The following FER1L6 variants were observed in gnomAD, a reference collection of about 807,000 sequenced individuals.
FER1L6 encodes fer-1-like protein 6.
In FER1L6, 177 loss-of-function variants were observed where a neutral mutation model predicts 219.2. The observed-to-expected ratio is 0.81, with a 90% CI of 0.71 to 0.91. The LOEUF (loss-of-function observed/expected upper bound fraction) is 0.91, where lower values mean the gene tolerates loss of function less well. FER1L6 is among the 40% of genes least tolerant of loss of function. FER1L6 has a pLI of 0.00. For missense variants in FER1L6, 2,153 were observed against 2,259.9 expected, an observed-to-expected ratio of 0.95 and a Z score of 0.96; for synonymous variants, 768 against 824.3, an observed-to-expected ratio of 0.93 and a Z score of 1.17.
intron 1 of FER1L6, among the ~76,000 whole-genome samples, chr8:123,924,233 CAA>C (rs71289625): frequency 0.022 from 1,446 of 66,856 alleles, 8 homozygotes; most frequent in African/African-American, 0.043. Flanking sequence ...GACTCAGTAT[CAA>C]AAAAAAAAAA....
At chr8:123,865,700 C>A (rs1400951350) in intron 1 of FER1L6, among the ~76,000 whole-genome samples, 1 of 150,850 alleles carries the variant, frequency 6.6e-6, no homozygotes, top group East Asian at 1.9e-4. Flanking sequence ...GTTTTTTAAG[C>A]CGGTCTGAAA....
At chr8:124,114,894 C>CGT (rs1446858389) in intron 39 of FER1L6, among the ~76,000 whole-genome samples, 1,256 of 30,930 alleles carry the variant, frequency 0.041, 40 homozygotes, top group African/African-American at 0.096. Context: ...TGTGTGTGTG[C>CGT]GTATATATAT....
intron 2 of FER1L6, among the ~76,000 whole-genome samples, chr8:123,959,888 A>G (rs1563708717): frequency 6.6e-6 from 1 of 152,216 alleles, no homozygotes; most frequent in African/African-American, 2.4e-5. Flanking sequence ...ATCAAGTTAC[A>G]TTTATAAAAG....
intron 1 of FER1L6, among the ~76,000 whole-genome samples, chr8:123,946,555 G>A (rs1028656686): frequency 2.0e-5 from 3 of 152,106 alleles, no homozygotes; most frequent in Non-Finnish European, 4.4e-5. Context: ...TGCCCGGGCT[G>A]CACAGGTTGG....
At chr8:124,116,247 G>C (rs1208302774) in intron 39 of FER1L6, among the ~76,000 whole-genome samples, 2 of 152,174 alleles carry the variant, frequency 1.3e-5, no homozygotes, top group Non-Finnish European at 2.9e-5. Context: ...TTGTCAGCTA[G>C]CCAAAAAGGG....
intron 17 of FER1L6, 36 bp from the exon 18 acceptor site, chr8:124,023,408 A>G: frequency 6.3e-7 from 1 of 1,598,918 alleles, no homozygotes. Flanking sequence ...TTCAAATCCC[A>G]TTCCTATTCA....
intron 12 of FER1L6, among the ~76,000 whole-genome samples, chr8:123,997,535 T>C (rs1817187903): frequency 6.6e-6 from 1 of 152,174 alleles, no homozygotes; most frequent in Non-Finnish European, 1.5e-5. Context: ...TGTACTTGAA[T>C]ATTGAAATCT....
intron 40 of FER1L6, 32 bp from the exon 41 acceptor site, chr8:124,119,575 C>T (rs1554650571): frequency 8.9e-6 from 13 of 1,453,090 alleles, no homozygotes; most frequent in Middle Eastern, 1.7e-4. Context: ...ACAGGATGCC[C>T]CCTTTTTGAT....
intron 1 of FER1L6, among the ~76,000 whole-genome samples, chr8:123,923,804 G>T (rs1480689185): frequency 1.3e-5 from 2 of 152,038 alleles, no homozygotes; most frequent in East Asian, 3.9e-4. Context: ...GGGCATGGTG[G>T]CACGTGGCTT....
intron 1 of FER1L6, among the ~76,000 whole-genome samples, chr8:123,900,644 T>C (rs1317562115): frequency 1.3e-5 from 2 of 152,230 alleles, no homozygotes; most frequent in Admixed American, 6.5e-5. Context: ...GGGTTTGTCA[T>C]AGATGGCTTT....
intron 1 of FER1L6, among the ~76,000 whole-genome samples, chr8:123,933,820 T>C (rs949015651): frequency 6.6e-6 from 1 of 152,196 alleles, no homozygotes; most frequent in African/African-American, 2.4e-5. Context: ...TCCAGCTTTT[T>C]CTCATGAAGT....
At chr8:124,087,342 TGATTAATTCTGC>T (rs753359736) in intron 33 of FER1L6, among the ~76,000 whole-genome samples, 1 of 152,112 alleles carries the variant, frequency 6.6e-6, no homozygotes, top group Non-Finnish European at 1.5e-5. Context: ...TTCTTCTGCT[TGATTAATTCTGC>T]TGTTAAGAGA....
chr8:124,095,160 G>A, intron 35 of FER1L6, 122 bp downstream of exon 35: 3 of 1,342,046 alleles, frequency 2.2e-6, no homozygotes, highest in South Asian at 1.4e-5. Flanking sequence ...GAATCATTTT[G>A]TGTTGTCACA....
At chr8:123,988,158 G>A (rs1816686207) in intron 12 of FER1L6, among the ~76,000 whole-genome samples, 1 of 151,964 alleles carries the variant, frequency 6.6e-6, no homozygotes, top group Admixed American at 6.6e-5. Context: ...TTTATTTCTG[G>A]GTTCTCTATT....
At chr8:123,949,489 CTT>C (rs1814659720) in intron 1 of FER1L6, among the ~76,000 whole-genome samples, 1 of 152,184 alleles carries the variant, frequency 6.6e-6, no homozygotes, top group South Asian at 2.1e-4. Flanking sequence ...ATACCCTTCT[CTT>C]TACCCTAGAC....
At chr8:124,069,220 G>A in intron 28 of FER1L6, 140 bp from the exon 29 acceptor site, 1 of 625,702 alleles carries the variant, frequency 1.6e-6, no homozygotes, top group Non-Finnish European at 2.8e-6. Flanking sequence ...ACAGGCGTGA[G>A]CCACCGTGCC....
intron 1 of FER1L6, chr8:123,939,043 C>T: frequency 2.1e-6 from 1 of 485,876 alleles, no homozygotes. Context: ...TTCATCTGAG[C>T]ATAGCAAGGG....
intron 1 of FER1L6, among the ~76,000 whole-genome samples, chr8:123,925,381 T>C (rs1813523926): frequency 6.6e-6 from 1 of 152,224 alleles, no homozygotes; most frequent in Non-Finnish European, 1.5e-5. Flanking sequence ...GGATGCAACA[T>C]GACACCTGTC....
In FER1L6 at chr8:123,963,259, C is replaced by G. The variant is rs770795570; in HGVS notation, c.77-19C>G. ...CATGTCAATTTCACAGGATTTTCTT[C>G]CTTTGTTTGCTTCTCCAGATAGTCA... On this transcript the variant is annotated intron_variant, in intron 2 of 40. Transcript: ENST00000522917. The G allele has an allele frequency of 6.2e-7, 1 of 1,613,236 alleles. No individual in the cohort carries two copies. Among genetic ancestry groups the G allele is most frequent in the African/African-American group, 1.3e-5 (1 of 74,914 alleles).
Sources: allele counts gnomAD v4.1 joint callset (sites outside exome capture counted in the v4.1 genomes callset), GRCh38; gene constraint gnomAD v4.1.1; transcripts MANE v1.5; gene names NCBI Gene and HGNC (gene_info 2026-07-23, HGNC 2026-07-21).